PLPP4: variants seen among roughly 807,000 people sequenced by gnomAD.
PLPP4 encodes the protein diacylglycerol pyrophosphate like 2.
A neutral mutation model predicts 32.2 loss-of-function variants in PLPP4; 20 were observed. That is an observed-to-expected ratio of 0.62 (90% CI 0.44 to 0.90). PLPP4 has a LOEUF of 0.90. Ranked by LOEUF, PLPP4 falls within the 40% of genes least tolerant of loss-of-function variation. The pLI, the probability that PLPP4 is intolerant of heterozygous loss-of-function variation, is 0.00. For synonymous variants in PLPP4, 127 were observed against 133.0 expected, an observed-to-expected ratio of 0.95 and a Z score of 0.31; for missense variants, 257 against 353.1, an observed-to-expected ratio of 0.73 and a Z score of 2.18.
At chr10:120,463,778 A>T (rs536800487) in intron 1 of PLPP4, among the ~76,000 whole-genome samples, 6 of 151,410 alleles carry the variant, frequency 4.0e-5, no homozygotes, top group Non-Finnish European at 8.8e-5. Context: ...AGCTCCAGCC[A>T]TCTCCTTGGG....
At chr10:120,464,085 G>A (rs1589709276) in intron 1 of PLPP4, among the ~76,000 whole-genome samples, 1 of 152,210 alleles carries the variant, frequency 6.6e-6, no homozygotes, top group Non-Finnish European at 1.5e-5. Flanking sequence ...GATTATAGGT[G>A]TGAACCATTG....
rs960449024 is a variant in PLPP4, at chr10:120,531,158, G to C, written c.445+10063G>C. Among the ~76,000 whole-genome samples, 4 of 146,980 alleles carry C rather than the reference G, an allele frequency of 2.7e-5. No homozygotes were observed. The South Asian group carries it at 8.6e-4, about 32-fold the overall frequency. ...GGCTGAAGTGCAGTGGCACCATCTC[G>C]GCTCGCTGCAACCTCTGGCTCACTA... On this transcript the variant is annotated intron_variant, in intron 5 of 6. Transcript: ENST00000398250.
chr10:120,533,547 C>G (rs1846845999), intron 5 of PLPP4, among the ~76,000 whole-genome samples: 1 of 152,058 alleles, frequency 6.6e-6, no homozygotes, highest in Non-Finnish European at 1.5e-5. Flanking sequence ...TATTTTTCCC[C>G]TTTGTTATCT....
At chr10:120,533,534 A>G (rs1846844794) in intron 5 of PLPP4, among the ~76,000 whole-genome samples, 1 of 152,128 alleles carries the variant, frequency 6.6e-6, no homozygotes, top group Non-Finnish European at 1.5e-5. Context: ...AGTCAAATTT[A>G]TCTATTTTTC....
At chr10:120,487,277 A>T (rs1433240263) in intron 1 of PLPP4, among the ~76,000 whole-genome samples, 1 of 152,180 alleles carries the variant, frequency 6.6e-6, no homozygotes, top group Non-Finnish European at 1.5e-5. Flanking sequence ...GAGAACAGGG[A>T]GTTTTATTGT....
chr10:120,508,288 G>A (rs566718027), intron 2 of PLPP4, among the ~76,000 whole-genome samples: 1 of 152,304 alleles, frequency 6.6e-6, no homozygotes, highest in South Asian at 2.1e-4. Context: ...GTGATGGGAT[G>A]TAATTGTTTA....
At chr10:120,548,352 A>T (rs1847732338) in intron 5 of PLPP4, among the ~76,000 whole-genome samples, 1 of 152,122 alleles carries the variant, frequency 6.6e-6, no homozygotes, top group Admixed American at 6.6e-5. Context: ...TTTCTGCATT[A>T]GTTTGCTTAG....
At chr10:120,458,234 T>C (rs1699043395) in intron 1 of PLPP4, among the ~76,000 whole-genome samples, 1 of 152,162 alleles carries the variant, frequency 6.6e-6, no homozygotes, top group Non-Finnish European at 1.5e-5. Context: ...CGTGAGCTGC[T>C]GTCACCTAGG....
At chr10:120,584,263 A>G (rs1849651333) in intron 6 of PLPP4, among the ~76,000 whole-genome samples, 1 of 152,170 alleles carries the variant, frequency 6.6e-6, no homozygotes, top group African/African-American at 2.4e-5. Context: ...CCTCTGCTCC[A>G]GAATAGCCCA....
intron 6 of PLPP4, among the ~76,000 whole-genome samples, chr10:120,577,886 C>T (rs1312634652): frequency 6.6e-6 from 1 of 152,200 alleles, no homozygotes; most frequent in East Asian, 1.9e-4. Context: ...CTATCTGCCG[C>T]TGTCCACACC....
At chr10:120,491,618 G>A (rs1292575107) in intron 1 of PLPP4, among the ~76,000 whole-genome samples, 1 of 152,052 alleles carries the variant, frequency 6.6e-6, no homozygotes, top group African/African-American at 2.4e-5. Flanking sequence ...TAATTTTGTA[G>A]CATCTCAATG....
intron 2 of PLPP4, among the ~76,000 whole-genome samples, chr10:120,513,681 G>C (rs1367437837): frequency 6.6e-6 from 1 of 152,102 alleles, no homozygotes; most frequent in African/African-American, 2.4e-5. Context: ...ATGGCTCTCA[G>C]CAATTACAAA....
chr10:120,504,986 T>C (rs2463149), intron 2 of PLPP4, among the ~76,000 whole-genome samples: 150,864 of 152,386 alleles, frequency 0.99, 74,698 homozygotes, highest in East Asian at 1. Flanking sequence ...TCTCCCACCC[T>C]CAATGCCACA....
At chr10:120,568,089 C>T (rs1848770289) in intron 5 of PLPP4, among the ~76,000 whole-genome samples, 1 of 152,218 alleles carries the variant, frequency 6.6e-6, no homozygotes, top group Non-Finnish European at 1.5e-5. Context: ...AAAATAAGGA[C>T]CTGGCTTAGC....
In PLPP4 at chr10:120,590,820, A is replaced by T. The variant is rs1191128923; in HGVS notation, c.*1318A>T. On this transcript the variant is annotated 3_prime_UTR_variant, in exon 7 of 7. Coordinates refer to ENST00000398250, the MANE Select transcript of PLPP4 (RefSeq NM_001030059.3). ...TCTCGCTGTGTCGAGACTGCACTGG[A>T]GTGCAGTGGCGTGATCTTGGCTCAC... Among the ~76,000 whole-genome samples, 3 of 138,768 alleles carry T rather than the reference A, an allele frequency of 2.2e-5. No homozygotes were observed. The highest frequency in any genetic ancestry group is 3.0e-5 in the Non-Finnish European group (2 of 66,480). The allele number at this position is 138,768 out of a possible 152,430, so 91.0% of individuals were successfully genotyped here. A position where few individuals can be genotyped will look rare whatever the true frequency, so the allele number is the denominator to read the frequency against.
chr10:120,469,582 A>G (rs572227466), intron 1 of PLPP4, among the ~76,000 whole-genome samples: 2 of 152,286 alleles, frequency 1.3e-5, no homozygotes, highest in Admixed American at 1.3e-4. Context: ...TTACACCACA[A>G]TGAATGTGAT....
chr10:120,590,971 G>A lies in PLPP4; in HGVS notation c.*1469G>A, dbSNP rs984631022. ...TTTAGTAGACACGGGGTTTCACCACGTTGGCCAGGCTGGTCTCGGACTCCT... is the reference window on the plus strand; with the variant it reads ...TTTAGTAGACACGGGGTTTCACCACATTGGCCAGGCTGGTCTCGGACTCCT... On this transcript the variant is annotated 3_prime_UTR_variant, in exon 7 of 7. Coordinates refer to ENST00000398250, the MANE Select transcript of PLPP4 (RefSeq NM_001030059.3). Among the ~76,000 whole-genome samples, 4 of 151,986 alleles carry A rather than the reference G, an allele frequency of 2.6e-5. No homozygotes were observed. The highest frequency in any genetic ancestry group is 4.4e-5 in the Non-Finnish European group (3 of 68,004).
At chr10:120,504,474 A>G (rs971287623) in intron 2 of PLPP4, among the ~76,000 whole-genome samples, 6 of 152,256 alleles carry the variant, frequency 3.9e-5, no homozygotes, top group African/African-American at 1.4e-4. Context: ...AAGGGGCATA[A>G]GCTATAAGCT....
At chr10:120,465,101 A>C (rs1052997127) in intron 1 of PLPP4, among the ~76,000 whole-genome samples, 8 of 152,248 alleles carry the variant, frequency 5.3e-5, no homozygotes, top group African/African-American at 1.7e-4. Flanking sequence ...GACACATGCA[A>C]GGCTCATAAA....
Sources: allele counts gnomAD v4.1 joint callset (sites outside exome capture counted in the v4.1 genomes callset), GRCh38; gene constraint gnomAD v4.1.1; transcripts MANE v1.5; gene names NCBI Gene and HGNC (gene_info 2026-07-23, HGNC 2026-07-21).